EEIG1: variants seen among roughly 807,000 people sequenced by gnomAD.
EEIG1 encodes the protein early estrogen-induced gene 1 protein.
the EEIG1 span, chr9:127,953,180 G>A: frequency 4.7e-6 from 1 of 214,004 alleles, no homozygotes; most frequent in African/African-American, 2.3e-5. Flanking sequence ...TACACACAGA[G>A]GGTGCTCATT....
At chr9:127,956,052 G>A in the EEIG1 span, among the ~76,000 whole-genome samples, 1 of 152,352 alleles carries the variant, frequency 6.6e-6, no homozygotes, top group Admixed American at 6.5e-5. Context: ...CAAGACTGGG[G>A]ACAAGCAGAA....
chr9:127,945,823 C>A, the EEIG1 span: 1 of 1,085,850 alleles, frequency 9.2e-7, no homozygotes, highest in South Asian at 1.4e-5. The surrounding 1 kb of genome is among the most constrained non-coding windows in gnomAD (Gnocchi z 6.5). Context: ...TCGCCCTTCA[C>A]AACGTGCCCT....
chr9:127,968,082 G>A, the EEIG1 span, among the ~76,000 whole-genome samples: 1 of 150,542 alleles, frequency 6.6e-6, no homozygotes, highest in Admixed American at 6.6e-5. Context: ...TTACAGGTGT[G>A]AGCCACCACG....
chr9:127,958,305 C>T, the EEIG1 span, among the ~76,000 whole-genome samples: 1 of 152,124 alleles, frequency 6.6e-6, no homozygotes, highest in Non-Finnish European at 1.5e-5. Context: ...GCAACTATTT[C>T]CTGGATATAA....
chr9:127,972,251 G>A, the EEIG1 span, among the ~76,000 whole-genome samples: 2 of 152,080 alleles, frequency 1.3e-5, no homozygotes, highest in Admixed American at 6.5e-5. The surrounding 1 kb of genome is among the most constrained non-coding windows in gnomAD (Gnocchi z 4.3). Flanking sequence ...AAGAAAACAC[G>A]CAGACCCCAC....
the EEIG1 span, chr9:127,950,648 C>T: frequency 7.3e-6 from 11 of 1,512,182 alleles, no homozygotes; most frequent in South Asian, 2.5e-5. Context: ...CAGATAAAGC[C>T]CCTGGGCCAG....
chr9:127,962,758 G>A, the EEIG1 span, among the ~76,000 whole-genome samples: 1 of 152,180 alleles, frequency 6.6e-6, no homozygotes, highest in Non-Finnish European at 1.5e-5. Flanking sequence ...GCCAGGCATG[G>A]TGACTCATGC....
At chr9:127,953,449 T>A in the EEIG1 span, 4 of 774,262 alleles carry the variant, frequency 5.2e-6, no homozygotes, top group Non-Finnish European at 6.6e-6. Context: ...TTCTAAAAAA[T>A]AACACATCTC....
the EEIG1 span, among the ~76,000 whole-genome samples, chr9:127,964,935 C>T: frequency 6.6e-6 from 1 of 152,028 alleles, no homozygotes; most frequent in African/African-American, 2.4e-5. Context: ...AACATGAAAC[C>T]CCACCTCTAC....
At chr9:127,949,021 C>T in the EEIG1 span, among the ~76,000 whole-genome samples, 31 of 151,872 alleles carry the variant, frequency 2.0e-4, no homozygotes, top group African/African-American at 6.5e-4. Context: ...GTGACCACTC[C>T]GTTGAGGCTT....
At chr9:127,944,307 T>C in the EEIG1 span, 2 of 501,796 alleles carry the variant, frequency 4.0e-6, no homozygotes, top group Non-Finnish European at 7.1e-6. Context: ...GGGAGGGTTC[T>C]AAATAAATGC....
At chr9:127,961,898 A>G in the EEIG1 span, among the ~76,000 whole-genome samples, 1 of 152,254 alleles carries the variant, frequency 6.6e-6, no homozygotes, top group African/African-American at 2.4e-5. Context: ...ATGCCGGGGC[A>G]GGCATGGGCC....
the EEIG1 span, chr9:127,950,588 T>A: frequency 6.3e-7 from 1 of 1,597,158 alleles, no homozygotes; most frequent in Non-Finnish European, 8.6e-7. Context: ...TGTGGGCTCC[T>A]GGCTGGCGGA....
chr9:127,960,393 C>A, the EEIG1 span, among the ~76,000 whole-genome samples: 1 of 152,194 alleles, frequency 6.6e-6, no homozygotes, highest in African/African-American at 2.4e-5. Context: ...TGTGAGAAGA[C>A]TGCATCTGAT....
the EEIG1 span, among the ~76,000 whole-genome samples, chr9:127,976,839 C>T: frequency 4.6e-5 from 7 of 152,254 alleles, no homozygotes; most frequent in Admixed American, 3.3e-4. This position sits in a 1 kb window ranked among gnomAD's most constrained non-coding sequence, Gnocchi z 4.1. Context: ...TGGGCCATCT[C>T]GGGGGTTCCT....
At chr9:127,960,987 A>C in the EEIG1 span, among the ~76,000 whole-genome samples, 1 of 59,298 alleles carries the variant, frequency 1.7e-5, no homozygotes, top group Non-Finnish European at 5.9e-5. Flanking sequence ...GGTAAAAAAA[A>C]AACCACAGCA....
chr9:127,945,573 C>T, the EEIG1 span: 22 of 1,562,734 alleles, frequency 1.4e-5, no homozygotes, highest in African/African-American at 9.5e-5. This position sits in a 1 kb window ranked among gnomAD's most constrained non-coding sequence, Gnocchi z 6.5. Context: ...CTGTCAGGGG[C>T]GACGCAGGGG....
chr9:127,967,931 CCTT>C, the EEIG1 span, among the ~76,000 whole-genome samples: 1 of 151,280 alleles, frequency 6.6e-6, no homozygotes, highest in Non-Finnish European at 1.5e-5. Flanking sequence ...CAGTCCCCTA[CCTT>C]CTTCTCCACC....
chr9:127,970,152 C>T, the EEIG1 span, among the ~76,000 whole-genome samples: 4 of 151,944 alleles, frequency 2.6e-5, no homozygotes, highest in Admixed American at 6.6e-5. Flanking sequence ...CTTGCGCTGT[C>T]GCCTACGCTG....
Sources: gnomAD v4.1 joint callset for allele counts (sites outside exome capture counted in the v4.1 genomes callset) on GRCh38, gnomAD v4.1.1 for gene constraint, Gnocchi (gnomAD v3.1) non-coding constraint, MANE v1.5 for transcripts, NCBI Gene and HGNC (gene_info 2026-07-23, HGNC 2026-07-21) for gene names.